EPHA6: variants seen among roughly 807,000 people sequenced by gnomAD.
EPHA6 encodes EPH receptor A6, also known as ephrin type-A receptor 6.
In EPHA6, 50 loss-of-function variants were observed where a neutral mutation model predicts 112.0. The ratio of observed to expected loss-of-function variants is 0.45; its 90% CI spans 0.36 to 0.56. The LOEUF (loss-of-function observed/expected upper bound fraction) is 0.56. Ranked by LOEUF, EPHA6 falls within the 20% of genes least tolerant of loss-of-function variation. EPHA6 has a pLI of 0.00. For synonymous variants in EPHA6, 529 were observed against 490.7 expected, an observed-to-expected ratio of 1.08 and a Z score of -1.03; for missense variants, 1,280 against 1,417.4, an observed-to-expected ratio of 0.90 and a Z score of 1.56.
intron 5 of EPHA6, among the ~76,000 whole-genome samples, chr3:97,283,038 T>C (rs908146659): frequency 1.3e-4 from 20 of 152,186 alleles, no homozygotes; most frequent in Admixed American, 2.0e-4. Context: ...CAGCAAGTAC[T>C]CTACAGGTCA....
At position 96,866,606 on chromosome 3, in the gene EPHA6, C is replaced by T. The variant is rs375514399; in HGVS notation, c.386-219C>T. Among the ~76,000 whole-genome samples the T allele has an allele frequency of 4.3e-4, 66 of 151,744 alleles. No homozygotes were observed. In the East Asian group the frequency reaches 4.6e-3, roughly 11 times the overall value. On this transcript the variant is annotated intron_variant, in intron 1 of 17. Coordinates refer to ENST00000389672, the MANE Select transcript of EPHA6 (RefSeq NM_001080448.3). ...GCATTGTTTAACAAAAATATACATA[C>T]TTTAATTTCTAAATACTTTATGCAT...
At chr3:97,348,472 T>A (rs1419689709) in intron 5 of EPHA6, among the ~76,000 whole-genome samples, 2 of 151,994 alleles carry the variant, frequency 1.3e-5, no homozygotes, top group African/African-American at 4.8e-5. Flanking sequence ...ATTCCACATA[T>A]AAGATGGAGT....
At chr3:96,824,156 C>T (rs2033486817) in intron 1 of EPHA6, among the ~76,000 whole-genome samples, 5 of 150,504 alleles carry the variant, frequency 3.3e-5, no homozygotes, top group South Asian at 2.1e-4. Context: ...GACTACTTTA[C>T]GACCAGCAAT....
In EPHA6 at chr3:97,760,342, A is replaced by G. The variant is rs1352635775; in HGVS notation, c.*11641A>G. 1 of 158,638 alleles carries G rather than the reference A, an allele frequency of 6.3e-6. No homozygotes were observed. Among genetic ancestry groups the G allele is most frequent in the Non-Finnish European group, 1.4e-5 (1 of 73,790 alleles). 9.8% of individuals were successfully genotyped at this position (158,638 alleles called of 1,614,324 possible). A position where few individuals can be genotyped will look rare whatever the true frequency, so the allele number is the denominator to read the frequency against. Reference sequence around the variant, plus strand: ...TGGTGCTTTGTTTCTGGAGATATATATATATATATTATATATATGTATATA... The same window carrying G: ...TGGTGCTTTGTTTCTGGAGATATATGTATATATATTATATATATGTATATA... On this transcript the variant is annotated 3_prime_UTR_variant, in exon 18 of 18. Coordinates refer to ENST00000389672, the MANE Select transcript of EPHA6 (RefSeq NM_001080448.3).
chr3:97,390,590 A>C (rs1378829993), intron 5 of EPHA6, among the ~76,000 whole-genome samples: 1 of 151,918 alleles, frequency 6.6e-6, no homozygotes, highest in Non-Finnish European at 1.5e-5. Context: ...CTACTCCCAA[A>C]AAGCAATAGA....
chr3:97,481,398 T>C (rs1287391244), intron 9 of EPHA6: 5 of 1,482,966 alleles, frequency 3.4e-6, no homozygotes, highest in East Asian at 2.3e-5. Context: ...AATTTTTTGC[T>C]GTGGGTTTTA....
chr3:97,232,050 T>G (rs2078541766), intron 4 of EPHA6, among the ~76,000 whole-genome samples: 1 of 152,186 alleles, frequency 6.6e-6, no homozygotes, highest in Non-Finnish European at 1.5e-5. Flanking sequence ...TCGAGGTTTA[T>G]TTCTGAGGCC....
At chr3:97,626,598 C>A (rs540512008) in intron 13 of EPHA6, among the ~76,000 whole-genome samples, 1 of 151,620 alleles carries the variant, frequency 6.6e-6, no homozygotes, top group South Asian at 2.1e-4. Context: ...AGTATATGGG[C>A]TAGAAGTCTT....
At chr3:96,997,136 C>A (rs1008071668) in intron 3 of EPHA6, among the ~76,000 whole-genome samples, 2 of 152,020 alleles carry the variant, frequency 1.3e-5, no homozygotes, top group African/African-American at 4.8e-5. Flanking sequence ...ACTCAGCCTT[C>A]ATGGAATTTT....
At chr3:97,149,027 G>A (rs570165671) in intron 3 of EPHA6, among the ~76,000 whole-genome samples, 9 of 152,070 alleles carry the variant, frequency 5.9e-5, no homozygotes, top group African/African-American at 1.9e-4. Flanking sequence ...TTTATCTCAC[G>A]CTGTGACTTT....
intron 3 of EPHA6, among the ~76,000 whole-genome samples, chr3:97,121,666 T>C (rs1213195026): frequency 6.6e-6 from 1 of 152,188 alleles, no homozygotes; most frequent in Non-Finnish European, 1.5e-5. Flanking sequence ...ATATAACTGC[T>C]TTCCCAAGAG....
At chr3:96,986,742 C>T (rs1443203976) in intron 2 of EPHA6, among the ~76,000 whole-genome samples, 1 of 152,086 alleles carries the variant, frequency 6.6e-6, no homozygotes, top group Non-Finnish European at 1.5e-5. Flanking sequence ...GCTGTATTTC[C>T]AGTGTCCAGG....
intron 5 of EPHA6, among the ~76,000 whole-genome samples, chr3:97,363,820 C>T (rs1243478175): frequency 6.6e-6 from 1 of 151,890 alleles, no homozygotes; most frequent in Non-Finnish European, 1.5e-5. Context: ...AAATATACAT[C>T]CTTAAAACAG....
intron 3 of EPHA6, among the ~76,000 whole-genome samples, chr3:97,100,311 A>G (rs2047366496): frequency 6.6e-6 from 1 of 151,056 alleles, no homozygotes; most frequent in Admixed American, 6.6e-5. Flanking sequence ...TGATGACACA[A>G]TAGTAAAGAG....
intron 3 of EPHA6, among the ~76,000 whole-genome samples, chr3:96,993,666 C>G (rs1057223487): frequency 6.6e-6 from 1 of 152,170 alleles, no homozygotes; most frequent in Non-Finnish European, 1.5e-5. Context: ...ATTAGGCCTG[C>G]TCTGCCTTCT....
rs372331446 is a variant in EPHA6 at position 97,548,193 on chromosome 3, C to T, written c.2386+15650C>T. Among the ~76,000 whole-genome samples the T allele has an allele frequency of 7.2e-5, 11 of 152,280 alleles. No homozygotes were observed. In the South Asian group the frequency reaches 1.2e-3, roughly 17 times the overall value. ...GCTGTAGACCGGAGCTGTTCGTATTCGGCCATCTTGGCTCCTCCTGGGTGT... is the reference window on the plus strand; with the variant it reads ...GCTGTAGACCGGAGCTGTTCGTATTTGGCCATCTTGGCTCCTCCTGGGTGT... On this transcript the variant is annotated intron_variant, in intron 11 of 17. Transcript: ENST00000389672.
At chr3:96,862,992 G>T (rs911055134) in intron 1 of EPHA6, among the ~76,000 whole-genome samples, 1 of 151,892 alleles carries the variant, frequency 6.6e-6, no homozygotes, top group Non-Finnish European at 1.5e-5. Flanking sequence ...TAGGAAAATT[G>T]TATGCAGTTA....
intron 5 of EPHA6, among the ~76,000 whole-genome samples, chr3:97,369,059 T>C (rs1204621563): frequency 6.6e-6 from 1 of 152,082 alleles, no homozygotes; most frequent in East Asian, 1.9e-4. Context: ...AGAAGAAACA[T>C]GTGCAATGTC....
chr3:97,563,689 A>G (rs759957699), intron 11 of EPHA6, among the ~76,000 whole-genome samples: 17 of 152,226 alleles, frequency 1.1e-4, no homozygotes, highest in Admixed American at 2.0e-4. Context: ...TGGTCCCAAT[A>G]TGAAACAAAC....
Sources: allele counts gnomAD v4.1 joint callset (sites outside exome capture counted in the v4.1 genomes callset), GRCh38; gene constraint gnomAD v4.1.1; transcripts MANE v1.5; gene names NCBI Gene and HGNC (gene_info 2026-07-23, HGNC 2026-07-21).